The following DNAH5 variants were observed in gnomAD, a reference collection of about 807,000 sequenced individuals.
The protein encoded by DNAH5 is axonemal beta dynein heavy chain 5.
DNAH5 carries 372 observed loss-of-function variants against 518.2 expected under a neutral mutation model. The observed-to-expected ratio is 0.72, with a 90% CI of 0.66 to 0.78. The LOEUF is 0.78. Among genes scored for constraint, DNAH5 ranks in the 30% least tolerant of loss-of-function variants. The pLI, the probability that DNAH5 is intolerant of heterozygous loss-of-function variation, is 0.00. For synonymous variants in DNAH5, 2,039 were observed against 2,025.9 expected, an observed-to-expected ratio of 1.01 and a Z score of -0.17; for missense variants, 5,523 against 5,687.0, an observed-to-expected ratio of 0.97 and a Z score of 0.93.
At chr5:13,835,290 AT>A (rs1764223056) in intron 35 of DNAH5, among the ~76,000 whole-genome samples, 1 of 151,812 alleles carries the variant, frequency 6.6e-6, no homozygotes, top group Non-Finnish European at 1.5e-5. Flanking sequence ...AAAAAAAAAA[AT>A]AGTAGTAATG....
chr5:13,909,734 A>C (rs1775758619), intron 12 of DNAH5, among the ~76,000 whole-genome samples: 1 of 151,908 alleles, frequency 6.6e-6, no homozygotes, highest in African/African-American at 2.4e-5. Context: ...TAAATTCATT[A>C]CTCTGTTCTA....
chr5:13,740,097 C>T (rs1478391374), intron 65 of DNAH5, among the ~76,000 whole-genome samples: 1 of 152,174 alleles, frequency 6.6e-6, no homozygotes, highest in Middle Eastern at 3.4e-3. Flanking sequence ...AACCTTTGAA[C>T]CCTGCTTGGT....
chr5:13,919,017 G>A (rs914286808), intron 7 of DNAH5, among the ~76,000 whole-genome samples, 159 bp downstream of exon 7: 7 of 152,040 alleles, frequency 4.6e-5, no homozygotes, highest in African/African-American at 1.4e-4. Flanking sequence ...GACTATTTCC[G>A]CAGCCTCCAA....
chr5:13,900,885 A>C (rs181761276), intron 14 of DNAH5: 1 of 331,310 alleles, frequency 3.0e-6, no homozygotes, highest in African/African-American at 2.1e-5. Flanking sequence ...GTTGTACAAC[A>C]AAAGAAAATT....
chr5:13,838,774 C>T (rs536003565), intron 35 of DNAH5, among the ~76,000 whole-genome samples: 76 of 152,262 alleles, frequency 5.0e-4, no homozygotes, highest in African/African-American at 1.8e-3. Flanking sequence ...TTGTCTTCCA[C>T]GAGACCAATC....
At chr5:13,788,325 T>C (rs1309205689) in intron 51 of DNAH5, among the ~76,000 whole-genome samples, 2 of 152,222 alleles carry the variant, frequency 1.3e-5, no homozygotes, top group South Asian at 2.1e-4. Context: ...CCACGGTGCA[T>C]GTGATGCACA....
intron 1 of DNAH5, among the ~76,000 whole-genome samples, chr5:13,993,750 C>G (rs1432254548): frequency 6.6e-6 from 1 of 152,140 alleles, no homozygotes; most frequent in African/African-American, 2.4e-5. Context: ...ACAGACGTGC[C>G]CCACGCAATG....
chr5:13,857,623 C>G (rs1157339937), intron 30 of DNAH5, among the ~76,000 whole-genome samples: 2 of 152,138 alleles, frequency 1.3e-5, no homozygotes, highest in African/African-American at 4.8e-5. Flanking sequence ...TACTTCAAGG[C>G]TACCGTAACC....
intron 66 of DNAH5, among the ~76,000 whole-genome samples, chr5:13,736,590 A>G (rs1277152431): frequency 6.6e-6 from 1 of 151,786 alleles, no homozygotes; most frequent in Non-Finnish European, 1.5e-5. Context: ...TTTTAGTAGA[A>G]ACAGAGTTTC....
rs760913293 is a variant in DNAH5 at position 13,914,616 on chromosome 5, A to G, written c.1224T>C (p.Cys408=). The G allele has an allele frequency of 6.2e-7, 1 of 1,613,202 alleles. No homozygotes were observed. Among genetic ancestry groups the G allele is most frequent in the Non-Finnish European group, 8.5e-7 (1 of 1,179,264 alleles). The change falls in exon 10 of 79, where the codon TGT becomes TGC. Residue 408 remains cysteine (C), a synonymous_variant. Coordinates refer to ENST00000265104, the MANE Select transcript of DNAH5 (RefSeq NM_001369.3). ...VKVTNQIISA[C]KAYITNNGTA... ...TTCCATTATTGGTAATATAGGCTTT[A>G]CATGCAGATATAATCTGATTTGTCA...
At chr5:13,730,670 G>A (rs986844264) in intron 68 of DNAH5, among the ~76,000 whole-genome samples, 2 of 151,024 alleles carry the variant, frequency 1.3e-5, no homozygotes, top group African/African-American at 2.4e-5. Context: ...TCCTGACCTC[G>A]TGGTCTGCCC....
intron 32 of DNAH5, among the ~76,000 whole-genome samples, chr5:13,844,472 A>G (rs1035911522): frequency 6.6e-6 from 1 of 152,132 alleles, no homozygotes; most frequent in Non-Finnish European, 1.5e-5. Flanking sequence ...TGCCAAAACC[A>G]GATTAAAACA....
chr5:13,876,902 A>C (rs1037886657), intron 21 of DNAH5, 85 bp from the exon 22 acceptor site: 5 of 1,355,580 alleles, frequency 3.7e-6, no homozygotes, highest in Non-Finnish European at 5.2e-6. Flanking sequence ...TGTGATAGTA[A>C]AGCAAGGACT....
At chr5:13,762,682 C>T (rs778020720) in intron 60 of DNAH5, 40 bp downstream of exon 60, 28 of 1,598,104 alleles carry the variant, frequency 1.8e-5, no homozygotes, top group Admixed American at 3.3e-5. Context: ...CTGGAGACTC[C>T]GCCCAGCCAC....
intron 76 of DNAH5, among the ~76,000 whole-genome samples, chr5:13,706,921 A>AC (rs1440431384): frequency 6.6e-6 from 1 of 152,162 alleles, no homozygotes; most frequent in East Asian, 1.9e-4. Flanking sequence ...CGAAGGCTCC[A>AC]CCCTCAGGCT....
chr5:13,912,555 A>G (rs1217272199), intron 11 of DNAH5, among the ~76,000 whole-genome samples: 2 of 151,746 alleles, frequency 1.3e-5, no homozygotes, highest in African/African-American at 2.4e-5. Context: ...CTTAAAATCA[A>G]AAGAATCAAA....
chr5:13,709,851 C>G (rs576565234), intron 75 of DNAH5, among the ~76,000 whole-genome samples: 2 of 152,276 alleles, frequency 1.3e-5, no homozygotes, highest in Admixed American at 6.5e-5. Context: ...CTAGCCTTGC[C>G]CCTACTTGGT....
At position 13,719,262 on chromosome 5, in the gene DNAH5, G is replaced by A. The variant is rs140230121; in HGVS notation, c.12280-161C>T. On this transcript the variant is annotated intron_variant, in intron 71 of 78. Coordinates refer to ENST00000265104, the MANE Select transcript of DNAH5 (RefSeq NM_001369.3). ...TAAGAAAACAAAAATGTTTAATTGC[G>A]ATAAGCTATTTTATTTTTAGTCCAT... Among the ~76,000 whole-genome samples the A allele has an allele frequency of 2.1e-3, 320 of 152,202 alleles. 2 individuals carry two copies. Among genetic ancestry groups the A allele is most frequent in the Middle Eastern group, 6.8e-3 (2 of 294 alleles).
At chr5:13,912,845 C>G (rs1239094774) in intron 11 of DNAH5, among the ~76,000 whole-genome samples, 1 of 151,804 alleles carries the variant, frequency 6.6e-6, no homozygotes, top group East Asian at 1.9e-4. Flanking sequence ...TTTACATCAA[C>G]TACTCAAACT....
Sources: gnomAD v4.1 joint callset for allele counts (sites outside exome capture counted in the v4.1 genomes callset) on GRCh38, gnomAD v4.1.1 for gene constraint, MANE v1.5 for transcripts, NCBI Gene and HGNC (gene_info 2026-07-23, HGNC 2026-07-21) for gene names.